Variants in SLC35F4 observed in about 807,000 individuals in gnomAD.
SLC35F4 encodes the protein chromosome 14 open reading frame 36.
In SLC35F4, 24 loss-of-function variants were observed where a neutral mutation model predicts 44.2. That is an observed-to-expected ratio of 0.54 (90% CI 0.39 to 0.76). The LOEUF (loss-of-function observed/expected upper bound fraction) is 0.76. SLC35F4 is among the 30% of genes least tolerant of loss of function. The pLI is 0.00. For synonymous variants in SLC35F4, 238 were observed against 223.6 expected (o/e 1.06, Z -0.57); for missense variants, 562 against 586.1 (o/e 0.96, Z 0.42).
intron 1 of SLC35F4, among the ~76,000 whole-genome samples, chr14:57,877,779 G>A (rs926779751): frequency 4.8e-5 from 7 of 145,672 alleles, no homozygotes; most frequent in African/African-American, 1.8e-4. Context: ...CTGCCTCCTG[G>A]GTTCAAGCTA....
chr14:57,653,477 G>T (rs1594715418), intron 1 of SLC35F4, among the ~76,000 whole-genome samples: 2 of 152,322 alleles, frequency 1.3e-5, no homozygotes, highest in African/African-American at 4.8e-5. Flanking sequence ...ATCACTGGTT[G>T]GTGGGTCGGG....
intron 1 of SLC35F4, among the ~76,000 whole-genome samples, chr14:57,623,903 G>T (rs1348373737): frequency 6.6e-6 from 1 of 152,110 alleles, no homozygotes; most frequent in African/African-American, 2.4e-5. Flanking sequence ...AGAGAAGCAG[G>T]AGTAAACAAA....
In SLC35F4 at chr14:57,807,956, C is replaced by T. The variant is rs746801196; in HGVS notation, c.103+57767G>A. Among the ~76,000 whole-genome samples, 140 of 151,758 alleles carry T rather than the reference C, an allele frequency of 9.2e-4. 5 individuals carry two copies. The highest frequency in any genetic ancestry group is 3.2e-3 in the African/African-American group (131 of 41,098). On this transcript the variant is annotated intron_variant, in intron 1 of 7. Transcript: ENST00000556826. ...TTTTACATGGTGGCAGGCAAGAGAACGTGTGCAGGGAAACTGCCCTTTATA... is the reference window on the plus strand; with the variant it reads ...TTTTACATGGTGGCAGGCAAGAGAATGTGTGCAGGGAAACTGCCCTTTATA...
intron 1 of SLC35F4, among the ~76,000 whole-genome samples, chr14:57,675,488 AT>A (rs1555370278): frequency 1.3e-5 from 2 of 152,002 alleles, no homozygotes; most frequent in Non-Finnish European, 2.9e-5. Flanking sequence ...CTCTTTTCCA[AT>A]TTAGATGCCC....
chr14:57,952,582 GAAGAAC>G (rs1325004293), intron 1 of SLC35F4, among the ~76,000 whole-genome samples: 17 of 151,920 alleles, frequency 1.1e-4, no homozygotes, highest in African/African-American at 3.6e-4. Flanking sequence ...CCAGTTTAAA[GAAGAAC>G]ATAAATGACC....
intron 7 of SLC35F4, among the ~76,000 whole-genome samples, chr14:57,565,797 C>T (rs1566620368): frequency 6.6e-6 from 1 of 152,062 alleles, no homozygotes; most frequent in East Asian, 1.9e-4. Context: ...TTTTTGCTGC[C>T]CTGATCACAT....
intron 1 of SLC35F4, among the ~76,000 whole-genome samples, chr14:57,646,739 G>A (rs890723192): frequency 2.6e-5 from 4 of 152,068 alleles, no homozygotes; most frequent in Non-Finnish European, 4.4e-5. Flanking sequence ...GATCTTTCCT[G>A]CTTTCTCTTG....
At chr14:57,607,548 C>G (rs545207253) in intron 1 of SLC35F4, among the ~76,000 whole-genome samples, 1 of 152,312 alleles carries the variant, frequency 6.6e-6, no homozygotes, top group South Asian at 2.1e-4. Flanking sequence ...CTCATAGAAG[C>G]CTCTTCCTCA....
chr14:57,646,429 C>G (rs2073518802), intron 1 of SLC35F4, among the ~76,000 whole-genome samples: 2 of 152,176 alleles, frequency 1.3e-5, no homozygotes, highest in Non-Finnish European at 2.9e-5. Flanking sequence ...CTATAGTATT[C>G]TCTGACGGTA....
At chr14:57,860,341 G>C (rs1429233482) in intron 1 of SLC35F4, among the ~76,000 whole-genome samples, 1 of 152,184 alleles carries the variant, frequency 6.6e-6, no homozygotes, top group Non-Finnish European at 1.5e-5. Flanking sequence ...ACAAAACAAA[G>C]AGAGGCAACT....
chr14:57,765,240 T>A (rs1026164137), intron 1 of SLC35F4, among the ~76,000 whole-genome samples: 4 of 152,210 alleles, frequency 2.6e-5, no homozygotes, highest in African/African-American at 9.6e-5. Context: ...AAGGGCAAGA[T>A]GTAGATAGGA....
chr14:57,717,915 T>C (rs1016101135), intron 1 of SLC35F4, among the ~76,000 whole-genome samples: 7 of 152,226 alleles, frequency 4.6e-5, no homozygotes, highest in African/African-American at 1.4e-4. Context: ...TTATTGACTA[T>C]AGTCCTGCTG....
At position 57,877,674 on chromosome 14, in the gene SLC35F4, C is replaced by CTTTTTTTTTT. The variant is rs139397949; in HGVS notation, n.282+104229_282+104238dup. On this transcript the variant is annotated intron_variant and non_coding_transcript_variant, in intron 1 of 1. Coordinates refer to the SLC35F4 transcript ENST00000556568. ...CTTGCCAGCATCTGTTATTTTTTGA[C>CTTTTTTTTTT]TTTTTTTTTTTTTTTTTTTTTTTTT... 2.7e-4 allele frequency among the ~76,000 whole-genome samples: 14 copies of CTTTTTTTTTT among 52,424 alleles called. 2 individuals are homozygous for CTTTTTTTTTT. The highest frequency in any genetic ancestry group is 2.0e-3 in the East Asian group (2 of 986). 34.4% of individuals were successfully genotyped at this position (52,424 alleles called of 152,430 possible). A position where few individuals can be genotyped will look rare whatever the true frequency, so the allele number is the denominator to read the frequency against.
At chr14:57,794,782 A>G (rs1298116741) in intron 1 of SLC35F4, among the ~76,000 whole-genome samples, 1 of 152,080 alleles carries the variant, frequency 6.6e-6, no homozygotes, top group Non-Finnish European at 1.5e-5. Context: ...CCCTGCAAAT[A>G]ATATGTAAAT....
At chr14:57,792,389 T>G (rs1303104600) in intron 1 of SLC35F4, among the ~76,000 whole-genome samples, 1 of 152,114 alleles carries the variant, frequency 6.6e-6, no homozygotes, top group Non-Finnish European at 1.5e-5. Flanking sequence ...TACCATTTGA[T>G]CCATCAATCC....
chr14:57,865,588 A>T (rs58495290), intron 1 of SLC35F4, 135 bp downstream of exon 1: 2 of 653,882 alleles, frequency 3.1e-6, no homozygotes, highest in Non-Finnish European at 4.8e-6. Flanking sequence ...CCCCGCCGCC[A>T]GGAAGGCGGT....
chr14:57,598,142 C>T (rs941856829), intron 1 of SLC35F4, among the ~76,000 whole-genome samples: 3 of 152,206 alleles, frequency 2.0e-5, no homozygotes, highest in African/African-American at 4.8e-5. Flanking sequence ...GTCTCATCTT[C>T]TCCATCTCTC....
intron 1 of SLC35F4, among the ~76,000 whole-genome samples, chr14:57,892,850 CTG>C (rs1191232253): frequency 6.6e-6 from 1 of 152,132 alleles, no homozygotes; most frequent in Non-Finnish European, 1.5e-5. Context: ...AAAGTTCTCT[CTG>C]TGCATTCTTC....
intron 1 of SLC35F4, among the ~76,000 whole-genome samples, chr14:57,698,320 T>C (rs973436942): frequency 2.0e-5 from 3 of 152,178 alleles, no homozygotes; most frequent in Non-Finnish European, 4.4e-5. Context: ...ACACTTACGA[T>C]TATATTCTCC....
Sources: allele counts gnomAD v4.1 joint callset (sites outside exome capture counted in the v4.1 genomes callset), GRCh38; gene constraint gnomAD v4.1.1; transcripts MANE v1.5; gene names NCBI Gene and HGNC (gene_info 2026-07-23, HGNC 2026-07-21).